Variants in MSI2 observed in about 807,000 individuals in gnomAD.
MSI2 encodes the protein RNA-binding protein Musashi homolog 2.
MSI2 carries 17 observed loss-of-function variants against 45.6 expected under a neutral mutation model. That is an observed-to-expected ratio of 0.37 (90% CI 0.26 to 0.56). The LOEUF is 0.56. MSI2 is among the 20% of genes least tolerant of loss of function. The probability of loss-of-function intolerance (pLI) is 0.77; values close to 1 mark genes in which losing one functional copy is unlikely to be tolerated. For synonymous variants in MSI2, 156 were observed against 158.2 expected, an observed-to-expected ratio of 0.99 and a Z score of 0.11; for missense variants, 293 against 444.2, an observed-to-expected ratio of 0.66 and a Z score of 3.06.
intron 8 of MSI2, among the ~76,000 whole-genome samples, chr17:57,605,491 G>T (rs139017653): frequency 1.6e-3 from 251 of 152,262 alleles, no homozygotes; most frequent in African/African-American, 5.8e-3. Context: ...TTTTCTGAAC[G>T]TGCTGCCACC....
At chr17:57,650,737 C>T (rs1053855556) in intron 10 of MSI2, among the ~76,000 whole-genome samples, 2 of 152,082 alleles carry the variant, frequency 1.3e-5, no homozygotes, top group Non-Finnish European at 2.9e-5. Flanking sequence ...AGCATGTTCC[C>T]CCTTTGAACT....
At chr17:57,631,788 C>G in intron 10 of MSI2, 1 of 1,611,180 alleles carries the variant, frequency 6.2e-7, no homozygotes, top group East Asian at 2.2e-5. Context: ...TTTCACTTTG[C>G]AGACTATTTG....
intron 6 of MSI2, among the ~76,000 whole-genome samples, chr17:57,518,118 T>C (rs1168022508): frequency 6.6e-6 from 1 of 152,224 alleles, no homozygotes; most frequent in Non-Finnish European, 1.5e-5. Flanking sequence ...TCTGAAGCCC[T>C]GTCCTGAAAG....
intron 10 of MSI2, among the ~76,000 whole-genome samples, chr17:57,636,578 C>T (rs193028863): frequency 1.6e-3 from 244 of 152,322 alleles, no homozygotes; most frequent in African/African-American, 5.6e-3. Context: ...TCTTTCTGGC[C>T]TAGTTCAGTG....
intron 5 of MSI2, among the ~76,000 whole-genome samples, chr17:57,392,857 C>G (rs1049834860): frequency 1.3e-5 from 2 of 152,062 alleles, no homozygotes; most frequent in African/African-American, 2.4e-5. Context: ...AGGGATCTCT[C>G]TGGCCTGTCA....
At chr17:57,363,475 C>T (rs1448446910) in intron 5 of MSI2, among the ~76,000 whole-genome samples, 4 of 152,216 alleles carry the variant, frequency 2.6e-5, no homozygotes, top group African/African-American at 4.8e-5. Context: ...TGGTAGCTCA[C>T]GTCTATAATC....
At chr17:57,648,800 C>T (rs1910893764) in intron 10 of MSI2, among the ~76,000 whole-genome samples, 1 of 152,172 alleles carries the variant, frequency 6.6e-6, no homozygotes, top group African/African-American at 2.4e-5. Context: ...AGGCAGTCCC[C>T]TCCTTGATAA....
At chr17:57,616,262 G>T (rs1208386499) in intron 9 of MSI2, 178 bp downstream of exon 9, 53 of 557,800 alleles carry the variant, frequency 9.5e-5, no homozygotes, top group Non-Finnish European at 1.1e-4. Context: ...ATTAAGTGTG[G>T]GTGTGTGTGT....
chr17:57,569,535 G>A (rs1309148244), intron 7 of MSI2, among the ~76,000 whole-genome samples: 1 of 152,220 alleles, frequency 6.6e-6, no homozygotes, highest in African/African-American at 2.4e-5. Context: ...CCAAAACAGG[G>A]CACCTTGCAA....
At chr17:57,278,217 AAG>A (rs1909049887) in intron 5 of MSI2, 1 of 152,464 alleles carries the variant, frequency 6.6e-6, no homozygotes, top group Non-Finnish European at 1.5e-5. Context: ...GAGAAAAAGA[AAG>A]AAAACATTTG....
In MSI2 at chr17:57,342,784, G is replaced by A. The variant is rs910309501; in HGVS notation, c.313-58595G>A. Among the ~76,000 whole-genome samples, 14 of 152,154 alleles carry A rather than the reference G, an allele frequency of 9.2e-5. No homozygotes were observed. The South Asian group carries it at 2.9e-3, about 32-fold the overall frequency. ...AAATACTACTACATGAACTTCGAAT[G>A]ATAGAAGGGGAAAATGAGTTATAAT... On this transcript the variant is annotated intron_variant, in intron 5 of 13. Coordinates refer to ENST00000284073, the MANE Select transcript of MSI2 (RefSeq NM_138962.4).
rs1567778446 is a variant in MSI2 at position 57,358,200 on chromosome 17, G to GT, written c.313-43179_313-43178insT. ...CTTCGTGGGTTTTTCTGTGTGTGTG[G>GT]GGGGGTGTGTGTGTGTGTGTGTGTG... On this transcript the variant is annotated intron_variant, in intron 5 of 13. Transcript: ENST00000284073. 7.9e-3 allele frequency among the ~76,000 whole-genome samples: 330 copies of GT among 41,898 alleles called. 2 individuals carry two copies. Among genetic ancestry groups the GT allele is most frequent in the East Asian group, 0.017 (13 of 752 alleles). 27.5% of individuals were successfully genotyped at this position (41,898 alleles called of 152,430 possible).
intron 9 of MSI2, among the ~76,000 whole-genome samples, chr17:57,620,961 C>T (rs75871922): frequency 0.015 from 2,254 of 152,350 alleles, 59 homozygotes; most frequent in African/African-American, 0.051. Flanking sequence ...CCACTGGGAA[C>T]TCCCTGGGCT....
At chr17:57,536,515 T>C (rs954041409) in intron 7 of MSI2, among the ~76,000 whole-genome samples, 1 of 152,222 alleles carries the variant, frequency 6.6e-6, no homozygotes, top group African/African-American at 2.4e-5. Flanking sequence ...TTGCTGCCTG[T>C]CTTCCCTGCT....
intron 6 of MSI2, among the ~76,000 whole-genome samples, chr17:57,497,878 C>A (rs1451764443): frequency 6.6e-6 from 1 of 152,210 alleles, no homozygotes; most frequent in East Asian, 1.9e-4. Flanking sequence ...TTGAACACCA[C>A]ATGTCCTCAG....
chr17:57,603,261 C>T (rs943843468), intron 8 of MSI2, among the ~76,000 whole-genome samples: 3 of 152,212 alleles, frequency 2.0e-5, no homozygotes, highest in Non-Finnish European at 2.9e-5. Context: ...GCAGAAGACA[C>T]GTGAGGCATG....
chr17:57,520,203 T>C (rs1305778463), intron 6 of MSI2, among the ~76,000 whole-genome samples: 1 of 152,194 alleles, frequency 6.6e-6, no homozygotes, highest in Non-Finnish European at 1.5e-5. Context: ...TTCAGGAGGA[T>C]AGACATTTTA....
At chr17:57,548,692 TG>T (rs1205981424) in intron 7 of MSI2, among the ~76,000 whole-genome samples, 7 of 143,364 alleles carry the variant, frequency 4.9e-5, no homozygotes, top group Non-Finnish European at 3.0e-5. Flanking sequence ...TGGGAGCGGG[TG>T]GGGGTGGTGC....
intron 5 of MSI2, among the ~76,000 whole-genome samples, chr17:57,357,161 C>T (rs1045611770): frequency 6.6e-6 from 1 of 152,114 alleles, no homozygotes; most frequent in Non-Finnish European, 1.5e-5. Flanking sequence ...TTGAGGACAG[C>T]CTTGTTCACT....
Sources: gnomAD v4.1 joint callset for allele counts (sites outside exome capture counted in the v4.1 genomes callset) on GRCh38, gnomAD v4.1.1 for gene constraint, MANE v1.5 for transcripts, NCBI Gene and HGNC (gene_info 2026-07-23, HGNC 2026-07-21) for gene names.